TCEANC2: variants seen among roughly 807,000 people sequenced by gnomAD.
The protein encoded by TCEANC2 is transcription elongation factor A N-terminal and central domain containing 2.
A neutral mutation model predicts 22.8 loss-of-function variants in TCEANC2; 20 were observed. The ratio of observed to expected loss-of-function variants is 0.88; its 90% confidence interval spans 0.62 to 1.28. The LOEUF (loss-of-function observed/expected upper bound fraction) is 1.28, where lower values mean the gene tolerates loss of function less well. Among genes scored for constraint, TCEANC2 ranks in the 50% most tolerant of loss-of-function variants. The pLI is 0.00. For synonymous variants in TCEANC2, 84 were observed against 95.5 expected (o/e 0.88, Z 0.70); for missense variants, 251 against 249.7 (o/e 1.01, Z -0.03).
In TCEANC2 at chr1:54,100,703, G is replaced by C. The variant is rs1303539714; in HGVS notation, c.*4230G>C. ...GGTGGCTGAAGCATAAGGTTCTTAG[G>C]AATGGTAGTGAGAAATTGGGCAAAA... On this transcript the variant is annotated 3_prime_UTR_variant, in exon 5 of 5. Coordinates refer to ENST00000234827, the MANE Select transcript of TCEANC2 (RefSeq NM_153035.3). 1.3e-5 allele frequency: 2 copies of C among 152,154 alleles called. No homozygotes were observed. Among genetic ancestry groups the C allele is most frequent in the African/African-American group, 4.8e-5 (2 of 41,428 alleles). 9.4% of individuals were successfully genotyped at this position (152,154 alleles called of 1,614,324 possible). A position where few individuals can be genotyped will look rare whatever the true frequency, so the allele number is the denominator to read the frequency against.
intron 3 of TCEANC2, among the ~76,000 whole-genome samples, chr1:54,071,818 A>T (rs369191920): frequency 3.6e-4 from 53 of 147,624 alleles, no homozygotes; most frequent in East Asian, 3.9e-4. Flanking sequence ...TTTTATTTTT[A>T]TTTTTTTTTT....
chr1:54,079,993 G>A (rs1167176733), intron 3 of TCEANC2, among the ~76,000 whole-genome samples: 1 of 152,094 alleles, frequency 6.6e-6, no homozygotes, highest in Non-Finnish European at 1.5e-5. Context: ...TCCAGCCCTT[G>A]TTGCCTTTGA....
At position 54,097,702 on chromosome 1, in the gene TCEANC2, T is replaced by G. The variant is rs138867391; in HGVS notation, c.*1229T>G. The G allele has an allele frequency of 6.6e-6, 1 of 152,350 alleles. No individual in the cohort carries two copies. The highest frequency in any genetic ancestry group is 1.9e-4 in the East Asian group (1 of 5,194). 9.4% of individuals were successfully genotyped at this position (152,350 alleles called of 1,614,324 possible). On this transcript the variant is annotated 3_prime_UTR_variant, in exon 5 of 5. Coordinates refer to ENST00000234827, the MANE Select transcript of TCEANC2 (RefSeq NM_153035.3). ...TATTAAGTAGGTATTGTTGTTTTCA[T>G]TTTTTAGATTTATTCGTTTATTTAG...
At chr1:54,064,762 C>T (rs773508056) in intron 2 of TCEANC2, among the ~76,000 whole-genome samples, 1 of 134,858 alleles carries the variant, frequency 7.4e-6, no homozygotes, top group Non-Finnish European at 1.5e-5. Flanking sequence ...TGCAGTGGTG[C>T]GATCTCGGCT....
At chr1:54,061,751 GA>G (rs141123326) in intron 2 of TCEANC2, among the ~76,000 whole-genome samples, 122 of 144,136 alleles carry the variant, frequency 8.5e-4, no homozygotes, top group African/African-American at 9.3e-4. Flanking sequence ...GGGTGAGCTG[GA>G]AAAAAAAAAA....
intron 4 of TCEANC2, chr1:54,089,887 G>T: frequency 1.5e-6 from 1 of 666,432 alleles, no homozygotes; most frequent in Admixed American, 2.0e-5. Context: ...GCACCAAGTC[G>T]TCTCCAAGTT....
chr1:54,103,145 T>C lies in TCEANC2; in HGVS notation c.*6672T>C, dbSNP rs1171165211. 6.6e-6 allele frequency: 1 copy of C among 152,180 alleles called. No homozygotes were observed. Among genetic ancestry groups the C allele is most frequent in the African/African-American group, 2.4e-5 (1 of 41,408 alleles). The allele number at this position is 152,180 out of a possible 1,614,324, so 9.4% of individuals were successfully genotyped here. On this transcript the variant is annotated 3_prime_UTR_variant, in exon 5 of 5. Coordinates refer to ENST00000234827, the MANE Select transcript of TCEANC2 (RefSeq NM_153035.3). ...ACCATGGAGAAGCACTAAACAACAA[T>C]GTACACACAGTTGACATCAACCAGT...
Position 54,097,816 on chromosome 1 carries a change from A to G in TCEANC2, c.*1343A>G, listed in dbSNP as rs2100390539. The G allele has an allele frequency of 6.6e-6, 1 of 152,354 alleles. No individual in the cohort carries two copies. The highest frequency in any genetic ancestry group is 6.5e-5 in the Admixed American group (1 of 15,296). 9.4% of individuals were successfully genotyped at this position (152,354 alleles called of 1,614,324 possible). A position where few individuals can be genotyped will look rare whatever the true frequency, so the allele number is the denominator to read the frequency against. On this transcript the variant is annotated 3_prime_UTR_variant, in exon 5 of 5. Coordinates refer to ENST00000234827, the MANE Select transcript of TCEANC2 (RefSeq NM_153035.3). ...AGCCTGAGGCTCACTGAACAGAAAC[A>G]TCACCTTCAATTTCCTACTGCTAGT...
intron 2 of TCEANC2, among the ~76,000 whole-genome samples, chr1:54,063,760 G>A (rs1056274942): frequency 6.6e-6 from 1 of 152,112 alleles, no homozygotes; most frequent in Non-Finnish European, 1.5e-5. Context: ...TACTCAATCT[G>A]TAATACCTAA....
intron 3 of TCEANC2, among the ~76,000 whole-genome samples, chr1:54,070,185 G>A (rs1658030935): frequency 6.6e-6 from 1 of 152,138 alleles, no homozygotes; most frequent in East Asian, 1.9e-4. Flanking sequence ...CCCTATCATT[G>A]TAGCCAAGGA....
At chr1:54,075,943 A>G (rs535099126) in intron 3 of TCEANC2, among the ~76,000 whole-genome samples, 2 of 151,950 alleles carry the variant, frequency 1.3e-5, no homozygotes, top group East Asian at 3.9e-4. Flanking sequence ...AAGCTGAGGC[A>G]GGAGAACCCA....
chr1:54,066,924 C>T (rs1657968781), intron 2 of TCEANC2, among the ~76,000 whole-genome samples: 1 of 152,174 alleles, frequency 6.6e-6, no homozygotes, highest in African/African-American at 2.4e-5. Context: ...TCTGGACCAT[C>T]TATACAGAAG....
At chr1:54,089,483 T>A (rs1658401687) in intron 4 of TCEANC2, among the ~76,000 whole-genome samples, 1 of 152,300 alleles carries the variant, frequency 6.6e-6, no homozygotes, top group South Asian at 2.1e-4. Flanking sequence ...GGAAGAAGGA[T>A]TTTTGCTCAT....
At chr1:54,080,966 TTCA>T (rs1359051810) in intron 3 of TCEANC2, among the ~76,000 whole-genome samples, 1 of 152,232 alleles carries the variant, frequency 6.6e-6, no homozygotes, top group Admixed American at 6.5e-5. Context: ...CCTCATCTTT[TTCA>T]TCTGAATCAG....
chr1:54,091,929 G>C (rs913067510), intron 4 of TCEANC2, among the ~76,000 whole-genome samples: 1 of 152,290 alleles, frequency 6.6e-6, no homozygotes. Context: ...TAAGAGTTAT[G>C]AAACACTGGC....
intron 4 of TCEANC2, 78 bp downstream of exon 4, chr1:54,088,868 C>T: frequency 8.9e-7 from 1 of 1,122,860 alleles, no homozygotes; most frequent in Non-Finnish European, 1.2e-6. Flanking sequence ...AGGTAATGTC[C>T]TGGTCGGATG....
At chr1:54,059,313 G>A (rs762797431) in intron 2 of TCEANC2, among the ~76,000 whole-genome samples, 5 of 151,788 alleles carry the variant, frequency 3.3e-5, no homozygotes, top group East Asian at 1.9e-4. Flanking sequence ...CCACCACACC[G>A]AACTAATTTT....
rs1658587493 is a variant in TCEANC2, at chr1:54,097,866, A to C, written c.*1393A>C. 2 of 152,228 alleles carry C rather than the reference A, an allele frequency of 1.3e-5. No homozygotes were observed. Among genetic ancestry groups the C allele is most frequent in the Non-Finnish European group, 2.9e-5 (2 of 68,050 alleles). 9.4% of individuals were successfully genotyped at this position (152,228 alleles called of 1,614,324 possible). ...TAACTATTGGAGCTAGAATAATAAT[A>C]ATCGAGCGTTTACCCTGGGCCCAGC... is the stretch of plus-strand genomic sequence containing the variant. On this transcript the variant is annotated 3_prime_UTR_variant, in exon 5 of 5. Coordinates refer to ENST00000234827, the MANE Select transcript of TCEANC2 (RefSeq NM_153035.3).
chr1:54,111,285 G>A (rs1427450229), exon 5 of TCEANC2: 1 of 152,270 alleles, frequency 6.6e-6, no homozygotes, highest in Non-Finnish European at 1.5e-5. Flanking sequence ...GGAACCCAGA[G>A]CGGAGGCGCA....
Sources: allele counts gnomAD v4.1 joint callset (sites outside exome capture counted in the v4.1 genomes callset), GRCh38; gene constraint gnomAD v4.1.1; transcripts MANE v1.5; gene names NCBI Gene and HGNC (gene_info 2026-07-23, HGNC 2026-07-21).